Variants in LIN28B observed in about 807,000 individuals in gnomAD.
LIN28B encodes the protein protein lin-28 homolog B.
A neutral mutation model predicts 21.9 loss-of-function variants in LIN28B; 5 were observed. The ratio of observed to expected loss-of-function variants is 0.23; its 90% CI spans 0.12 to 0.48. The LOEUF (loss-of-function observed/expected upper bound fraction) is 0.48, where lower values mean the gene tolerates loss of function less well. LIN28B is among the 20% of genes least tolerant of loss of function. LIN28B has a pLI of 0.98. For missense variants in LIN28B, 245 were observed against 310.5 expected, an observed-to-expected ratio of 0.79 and a Z score of 1.58; for synonymous variants, 109 against 111.3, an observed-to-expected ratio of 0.98 and a Z score of 0.13.
chr6:104,945,556 G>A (rs1414478927), intron 2 of LIN28B, among the ~76,000 whole-genome samples: 1 of 151,996 alleles, frequency 6.6e-6, no homozygotes, highest in Non-Finnish European at 1.5e-5. Context: ...TAAAGTTATG[G>A]TGGGCCTTCA....
chr6:104,946,856 CAG>C (rs1194954311), intron 2 of LIN28B, among the ~76,000 whole-genome samples: 2 of 151,846 alleles, frequency 1.3e-5, no homozygotes, highest in Admixed American at 6.6e-5. Context: ...AATACTATAA[CAG>C]AAACAAAAAA....
At chr6:105,065,555 G>A (rs998289833) in intron 3 of LIN28B, among the ~76,000 whole-genome samples, 3 of 152,322 alleles carry the variant, frequency 2.0e-5, no homozygotes, top group Non-Finnish European at 4.4e-5. Flanking sequence ...ATACTTCATC[G>A]TTTTCCTCAG....
chr6:104,988,738 G>T (rs1025839950), intron 2 of LIN28B, among the ~76,000 whole-genome samples: 1 of 151,868 alleles, frequency 6.6e-6, no homozygotes, highest in Non-Finnish European at 1.5e-5. Context: ...CACCATGTCC[G>T]GCTAATTTTT....
intron 3 of LIN28B, among the ~76,000 whole-genome samples, chr6:105,043,967 AAAT>A (rs1346716689): frequency 6.6e-6 from 1 of 152,284 alleles, no homozygotes; most frequent in African/African-American, 2.4e-5. Context: ...TTTTACCCAC[AAAT>A]AATAATAACT....
At chr6:104,969,125 A>G (rs1189425794) in intron 2 of LIN28B, among the ~76,000 whole-genome samples, 2 of 152,134 alleles carry the variant, frequency 1.3e-5, no homozygotes, top group Non-Finnish European at 2.9e-5. Context: ...TTTCACAAGA[A>G]AAAAAGCTCC....
At chr6:105,029,400 G>A (rs750633874) in intron 3 of LIN28B, among the ~76,000 whole-genome samples, 8 of 152,202 alleles carry the variant, frequency 5.3e-5, no homozygotes, top group Non-Finnish European at 7.3e-5. Context: ...AACTGGGGGA[G>A]CTGATCATGT....
chr6:105,029,119 GT>G (rs1771363373), intron 3 of LIN28B, among the ~76,000 whole-genome samples: 1 of 152,230 alleles, frequency 6.6e-6, no homozygotes, highest in Admixed American at 6.5e-5. Flanking sequence ...GAGTGGACTG[GT>G]GGGGGTGAAA....
At chr6:104,969,408 G>A (rs1769928783) in intron 2 of LIN28B, among the ~76,000 whole-genome samples, 1 of 151,984 alleles carries the variant, frequency 6.6e-6, no homozygotes. Flanking sequence ...TGGGCCACTT[G>A]TAAAGCCTGC....
chr6:104,956,265 C>G (rs1778289217), upstream of LIN28B, among the ~76,000 whole-genome samples: 1 of 151,974 alleles, frequency 6.6e-6, no homozygotes, highest in African/African-American at 2.4e-5. Flanking sequence ...TGTCCTCCAG[C>G]TCTTGGGGAA....
At chr6:105,020,972 G>A (rs1298851012) in intron 2 of LIN28B, among the ~76,000 whole-genome samples, 1 of 150,694 alleles carries the variant, frequency 6.6e-6, no homozygotes, top group African/African-American at 2.4e-5. Context: ...AGCCAGGATG[G>A]TCTTGATTTC....
chr6:105,007,285 A>G (rs1378196073), intron 2 of LIN28B, among the ~76,000 whole-genome samples: 1 of 152,224 alleles, frequency 6.6e-6, no homozygotes, highest in Non-Finnish European at 1.5e-5. Flanking sequence ...ATTCAAAACA[A>G]TTGAATTTAT....
upstream of LIN28B, chr6:104,957,030 A>G: frequency 7.2e-7 from 1 of 1,392,774 alleles, no homozygotes; most frequent in Non-Finnish European, 9.3e-7. Context: ...AGGTGAAATT[A>G]GTAGCAAGAA....
upstream of LIN28B, among the ~76,000 whole-genome samples, chr6:104,952,970 A>C (rs1487986862): frequency 6.6e-6 from 1 of 152,180 alleles, no homozygotes; most frequent in East Asian, 1.9e-4. Context: ...CTATATTCTG[A>C]AGTGCCTCTG....
rs891555307 is a variant in LIN28B at position 105,080,153 on chromosome 6, G to C, written c.*1370G>C. ...TTCTCAGGTTGGTTCTCGTTAGAGT[G>C]ATAAACTGGCTAGGGGCCATAGTAT... On this transcript the variant is annotated 3_prime_UTR_variant, in exon 4 of 4. Transcript: ENST00000345080. The C allele has an allele frequency of 3.3e-5, 5 of 152,482 alleles. No individual in the cohort carries two copies. Among genetic ancestry groups the C allele is most frequent in the African/African-American group, 4.8e-5 (2 of 41,382 alleles). 9.4% of individuals were successfully genotyped at this position (152,482 alleles called of 1,614,324 possible). A position where few individuals can be genotyped will look rare whatever the true frequency, so the allele number is the denominator to read the frequency against.
intron 2 of LIN28B, among the ~76,000 whole-genome samples, chr6:104,985,729 T>C (rs1474915889): frequency 6.6e-6 from 1 of 152,202 alleles, no homozygotes; most frequent in Non-Finnish European, 1.5e-5. Context: ...CTCATGGTCA[T>C]GAAGACATTT....
Position 105,055,919 on chromosome 6 carries a change from C to CTTTT in LIN28B, c.384-22477_384-22474dup, listed in dbSNP as rs71006633. ...AGTATGTGCACGCCACCATGCCTGG[C>CTTTT]TTTTTTTTTTTTTTTTTTTTTGGGT... On this transcript the variant is annotated intron_variant, in intron 3 of 3. Coordinates refer to ENST00000345080, the MANE Select transcript of LIN28B (RefSeq NM_001004317.4). Among the ~76,000 whole-genome samples, 7 of 83,414 alleles carry CTTTT rather than the reference C, an allele frequency of 8.4e-5. 1 individual carries two copies. The South Asian group carries it at 2.3e-3, about 27-fold the overall frequency. 54.7% of individuals were successfully genotyped at this position (83,414 alleles called of 152,430 possible).
At chr6:105,043,952 A>T (rs1219412538) in intron 3 of LIN28B, among the ~76,000 whole-genome samples, 2 of 152,116 alleles carry the variant, frequency 1.3e-5, no homozygotes, top group Non-Finnish European at 2.9e-5. Flanking sequence ...CAAGGTATGA[A>T]ATATTTTTAC....
In LIN28B at chr6:104,989,254, A is replaced by G. The variant is rs565638949; in HGVS notation, c.198+30968A>G. The stretch of plus-strand genomic sequence containing the variant: ...TATTTTTGCTTTTTTGAGACAGAGT[A>G]TCTCTCTGTCAGAGTAGGGCAGTGA... On this transcript the variant is annotated intron_variant, in intron 2 of 3. Transcript: ENST00000345080. Among the ~76,000 whole-genome samples the G allele has an allele frequency of 9.9e-5, 15 of 152,120 alleles. 1 individual carries two copies. In the South Asian group the frequency reaches 2.9e-3, roughly 29 times the overall value.
intron 3 of LIN28B, among the ~76,000 whole-genome samples, chr6:105,044,345 C>T (rs1052316377): frequency 1.3e-5 from 2 of 152,014 alleles, no homozygotes; most frequent in African/African-American, 4.8e-5. Flanking sequence ...TTTGTAATAC[C>T]TTTTAATTCC....
Sources: gnomAD v4.1 joint callset for allele counts (sites outside exome capture counted in the v4.1 genomes callset) on GRCh38, gnomAD v4.1.1 for gene constraint, MANE v1.5 for transcripts, NCBI Gene and HGNC (gene_info 2026-07-23, HGNC 2026-07-21) for gene names.